Variants in PHF13 observed in about 807,000 individuals in gnomAD.
The protein encoded by PHF13 is PHD zinc finger protein PHF5.
A neutral mutation model predicts 25.8 loss-of-function variants in PHF13; 1 was observed. The ratio of observed to expected loss-of-function variants is 0.04; its 90% CI spans 0.01 to 0.18. PHF13 has a LOEUF of 0.18. PHF13 is among the 10% of genes least tolerant of loss of function. The pLI is 1.00. For missense variants in PHF13, 306 were observed against 403.2 expected, an observed-to-expected ratio of 0.76 and a Z score of 2.06; for synonymous variants, 195 against 162.4, an observed-to-expected ratio of 1.20 and a Z score of -1.53.
intron 1 of PHF13, among the ~76,000 whole-genome samples, chr1:6,615,200 C>T (rs942457224): frequency 2.6e-5 from 4 of 151,874 alleles, no homozygotes; most frequent in Non-Finnish European, 5.9e-5. Context: ...GTGCCTCCCG[C>T]GCGCCCCCGG....
chr1:6,619,232 T>G (rs904281190), intron 2 of PHF13, among the ~76,000 whole-genome samples: 1 of 152,252 alleles, frequency 6.6e-6, no homozygotes, highest in African/African-American at 2.4e-5. Flanking sequence ...ACAGCACTCC[T>G]TCCCACAGAC....
intron 1 of PHF13, 24 bp downstream of exon 1, chr1:6,614,129 T>A: frequency 6.3e-7 from 1 of 1,593,866 alleles, no homozygotes; most frequent in Admixed American, 1.7e-5. Flanking sequence ...TGCGTCCGAA[T>A]CGCCCCCGAC....
chr1:6,620,614 C>T (rs905960097), intron 3 of PHF13, among the ~76,000 whole-genome samples: 3 of 152,186 alleles, frequency 2.0e-5, no homozygotes, highest in Non-Finnish European at 2.9e-5. Flanking sequence ...AGGCCGGGCA[C>T]GGTGGCTCCA....
intron 1 of PHF13, among the ~76,000 whole-genome samples, chr1:6,615,211 C>G (rs1038102961): frequency 6.6e-6 from 1 of 151,966 alleles, no homozygotes; most frequent in Non-Finnish European, 1.5e-5. Context: ...GCGCCCCCGG[C>G]CCGAGGCCGT....
chr1:6,616,625 G>C (rs1641264662), intron 1 of PHF13, 132 bp from the exon 2 acceptor site: 1 of 724,192 alleles, frequency 1.4e-6, no homozygotes, highest in East Asian at 2.6e-5. Context: ...TATCTTGTTT[G>C]TGGACTGTGT....
In PHF13 at chr1:6,621,957, A is replaced by G. The variant is rs749958870; in HGVS notation, c.*320A>G. On this transcript the variant is annotated 3_prime_UTR_variant, in exon 4 of 4. Transcript: ENST00000377648. This position sits in a 1 kb window ranked among gnomAD's most constrained non-coding sequence, Gnocchi z 4.8. ...TGCGTTTTGCTATCATTGCTAAGAG[A>G]TTCCCGCTGATTGGGCTCAGTGCCA... is the stretch of plus-strand genomic sequence containing the variant. 6.1e-5 allele frequency: 25 copies of G among 412,898 alleles called. No individual in the cohort carries two copies. The highest frequency in any genetic ancestry group is 1.0e-4 in the Non-Finnish European group (23 of 219,114). The allele number at this position is 412,898 out of a possible 1,614,324, so 25.6% of individuals were successfully genotyped here. A position where few individuals can be genotyped will look rare whatever the true frequency, so the allele number is the denominator to read the frequency against.
chr1:6,620,219 T>G lies in PHF13; in HGVS notation c.558T>G (p.Pro186=). 1 of 1,614,016 alleles carries G rather than the reference T, an allele frequency of 6.2e-7. No individual in the cohort carries two copies. Among genetic ancestry groups the G allele is most frequent in the Non-Finnish European group, 8.5e-7 (1 of 1,180,028 alleles). The change falls in exon 3 of 4, where the codon CCT becomes CCG. Residue 186 remains proline (P), a synonymous_variant. Coordinates refer to ENST00000377648, the MANE Select transcript of PHF13 (RefSeq NM_153812.3). The stretch of plus-strand genomic sequence containing the variant: ...GTGGATCTTGTGCCACTGTGTCACC[T>G]GATCAGGTCAAAGAAATAAAAACTG... The part of the protein sequence containing the change: ...PSSGSCATVS[P]DQVKEIKTEG...
chr1:6,615,041 G>A (rs2148708855), intron 1 of PHF13, among the ~76,000 whole-genome samples: 1 of 146,674 alleles, frequency 6.8e-6, no homozygotes, highest in South Asian at 2.2e-4. Context: ...GATGGGCCCC[G>A]CACCTTCGGG....
In PHF13 at chr1:6,621,517, G is replaced by A. The variant is rs1362481915; in HGVS notation, c.783G>A (p.Ala261=). Residue 261 remains alanine, a synonymous_variant, in exon 4 of 4, where the codon GCG becomes GCA. Transcript: ENST00000377648. This position sits in a 1 kb window ranked among gnomAD's most constrained non-coding sequence, Gnocchi z 4.8. ...ACACCTGGATTCACCTGTCCTGTGCGAAAATCCGGAAATCCAATGTTCCAG... is the reference window on the plus strand; with the variant it reads ...ACACCTGGATTCACCTGTCCTGTGCAAAAATCCGGAAATCCAATGTTCCAG... ...ECHTWIHLSC[A]KIRKSNVPEV... is the part of the protein sequence containing the mutation. 8 of 1,614,030 alleles carry A rather than the reference G, an allele frequency of 5.0e-6. No homozygotes were observed. The Admixed American group carries it at 6.7e-5, about 13-fold the overall frequency.
In PHF13 at chr1:6,621,774, C is replaced by G; in HGVS notation, c.*137C>G. On this transcript the variant is annotated 3_prime_UTR_variant, in exon 4 of 4. Transcript: ENST00000377648. This position sits in a 1 kb window ranked among gnomAD's most constrained non-coding sequence, Gnocchi z 4.8. ...CCATTTAGGTGCCTAAGCAAAAGGA[C>G]AGGCTGTCCAAGGTAGAAACTGTAC... The G allele has an allele frequency of 1.2e-6, 1 of 842,748 alleles. No homozygotes were observed. Among genetic ancestry groups the G allele is most frequent in the East Asian group, 2.7e-5 (1 of 37,706 alleles). 52.2% of individuals were successfully genotyped at this position (842,748 alleles called of 1,614,324 possible). A position where few individuals can be genotyped will look rare whatever the true frequency, so the allele number is the denominator to read the frequency against.
Position 6,621,727 on chromosome 1 carries a change from C to G in PHF13, c.*90C>G. The G allele has an allele frequency of 7.6e-7, 1 of 1,318,022 alleles. No individual in the cohort carries two copies. The highest frequency in any genetic ancestry group is 1.1e-6 in the Non-Finnish European group (1 of 935,626). 81.6% of individuals were successfully genotyped at this position (1,318,022 alleles called of 1,614,324 possible). A position where few individuals can be genotyped will look rare whatever the true frequency, so the allele number is the denominator to read the frequency against. On this transcript the variant is annotated 3_prime_UTR_variant, in exon 4 of 4. Transcript: ENST00000377648. The surrounding 1 kb of genome is among the most constrained non-coding windows in gnomAD (Gnocchi z 4.8). ...TCTTAGTTGAGCACAGAACCCTCAGCTCTGGTGCGGGCAGATCCCTGCCAT... is the reference window on the plus strand; with the variant it reads ...TCTTAGTTGAGCACAGAACCCTCAGGTCTGGTGCGGGCAGATCCCTGCCAT...
At chr1:6,614,447 T>G in intron 1 of PHF13, 2 of 264,664 alleles carry the variant, frequency 7.6e-6, no homozygotes, top group Non-Finnish European at 1.4e-5. Flanking sequence ...CCGGCCTGCT[T>G]ACTCTTTCCC....
intron 1 of PHF13, among the ~76,000 whole-genome samples, chr1:6,615,699 A>G (rs980461484): frequency 6.6e-5 from 10 of 152,224 alleles, no homozygotes; most frequent in Non-Finnish European, 2.9e-5. Flanking sequence ...TGTTTTGCTT[A>G]GGAGCAAATA....
At position 6,619,944 on chromosome 1, in the gene PHF13, C is replaced by T. The variant is rs1393071296; in HGVS notation, c.283C>T (p.Pro95Ser). Residue 95 changes from proline (P) to serine (S), a missense_variant, in exon 3 of 4, where the codon CCT becomes TCT. By Grantham distance (74) the Pro-to-Ser change is moderately conservative (BLOSUM62 -1). Around this residue, in one of 5 missense-constraint regions of PHF13, gnomAD observed 186 missense variants for 164.0 expected, o/e 1.13. Transcript: ENST00000377648. ...TGACCGCTGCTTTAGCCACCTGCAG[C>T]CTACTCTCTTGCAGCGAGCCAAGCC... The part of the protein sequence containing the change: ...VSDRCFSHLQ[P>S]TLLQRAKPSN... 1.9e-6 allele frequency: 3 copies of T among 1,613,972 alleles called. 1 individual carries two copies. Among genetic ancestry groups the T allele is most frequent in the South Asian group, 2.2e-5 (2 of 91,078 alleles).
chr1:6,619,962 G>A lies in PHF13; in HGVS notation c.301G>A (p.Ala101Thr). The A allele has an allele frequency of 1.2e-6, 2 of 1,613,890 alleles. No individual in the cohort carries two copies. The highest frequency in any genetic ancestry group is 1.7e-6 in the Non-Finnish European group (2 of 1,180,010). Reference protein sequence around the residue: ...SHLQPTLLQRAKPSNFLLDRK... With the variant: ...SHLQPTLLQRTKPSNFLLDRK... ...CCTGCAGCCTACTCTCTTGCAGCGA[G>A]CCAAGCCCAGTAACTTCCTGCTGGA... is the stretch of plus-strand genomic sequence containing the variant. Residue 101 changes from alanine (A) to threonine (T), a missense_variant, in exon 3 of 4, where the codon GCC (alanine) becomes ACC (threonine). By Grantham distance (58) the Ala-to-Thr change is moderately conservative. This residue lies in a region of PHF13 where 186 missense variants were observed against 164.0 expected (regional missense o/e 1.13). Transcript: ENST00000377648.
chr1:6,621,404 C>T lies in PHF13; in HGVS notation c.677-7C>T, dbSNP rs1314885280. The T allele has an allele frequency of 5.6e-6, 9 of 1,613,786 alleles. No homozygotes were observed. In the East Asian group the frequency reaches 6.7e-5, roughly 12 times the overall value. ...TCTTCCCTCCTTGAGAGTATCTTTC[C>T]TTCCAGATGACGATTCCTGGGACCT... On this transcript the variant is annotated splice_polypyrimidine_tract_variant and splice_region_variant and intron_variant, in intron 3 of 3. Transcript: ENST00000377648. This position sits in a 1 kb window ranked among gnomAD's most constrained non-coding sequence, Gnocchi z 4.8.
chr1:6,615,123 AGGCGGCCGGGGG>A (rs1221377340), intron 1 of PHF13, among the ~76,000 whole-genome samples: 1 of 68,470 alleles, frequency 1.5e-5, no homozygotes, highest in Non-Finnish European at 3.1e-5. Flanking sequence ...CTTTCCGAGG[AGGCGGCCGGGGG>A]GGCGGGCGGC....
In PHF13 at chr1:6,621,699, T is replaced by A. The variant is rs1003942172; in HGVS notation, c.*62T>A. 4 of 1,518,862 alleles carry A rather than the reference T, an allele frequency of 2.6e-6. No individual in the cohort carries two copies. Among genetic ancestry groups the A allele is most frequent in the African/African-American group, 1.4e-5 (1 of 72,834 alleles). The allele number at this position is 1,518,862 out of a possible 1,614,324, so 94.1% of individuals were successfully genotyped here. A position where few individuals can be genotyped will look rare whatever the true frequency, so the allele number is the denominator to read the frequency against. ...GAAGCGACCGCGGGCTTTTTTGCCC[T>A]TCTCTTAGTTGAGCACAGAACCCTC... On this transcript the variant is annotated 3_prime_UTR_variant, in exon 4 of 4. Coordinates refer to ENST00000377648, the MANE Select transcript of PHF13 (RefSeq NM_153812.3). This position sits in a 1 kb window ranked among gnomAD's most constrained non-coding sequence, Gnocchi z 4.8.
At chr1:6,617,511 C>T (rs1030906210) in intron 2 of PHF13, among the ~76,000 whole-genome samples, 1 of 152,182 alleles carries the variant, frequency 6.6e-6, no homozygotes, top group African/African-American at 2.4e-5. Context: ...AATTGTGGCT[C>T]ACTGCAACCT....
Sources: allele counts gnomAD v4.1 joint callset (sites outside exome capture counted in the v4.1 genomes callset), GRCh38; gene constraint gnomAD v4.1.1; regional missense constraint gnomAD v4.1.1; non-coding constraint Gnocchi (gnomAD v3.1); transcripts MANE v1.5; gene names NCBI Gene and HGNC (gene_info 2026-07-23, HGNC 2026-07-21).